DAB2: variants seen among roughly 807,000 people sequenced by gnomAD.
The protein encoded by DAB2 is disabled homolog 2.
A neutral mutation model predicts 71.6 loss-of-function variants in DAB2; 28 were observed. The observed-to-expected ratio is 0.39, with a 90% CI of 0.29 to 0.54. The LOEUF is 0.54. Among genes scored for constraint, DAB2 ranks in the 20% least tolerant of loss-of-function variants. The pLI is 0.68. For missense variants in DAB2, 867 were observed against 928.8 expected (o/e 0.93, Z 0.86); for synonymous variants, 345 against 339.7 (o/e 1.02, Z -0.17).
chr5:39,422,846 C>G lies in DAB2; in HGVS notation c.-102+1958G>C, dbSNP rs1448630621. Among the ~76,000 whole-genome samples, 2 of 152,208 alleles carry G rather than the reference C, an allele frequency of 1.3e-5. No individual in the cohort carries two copies. The highest frequency in any genetic ancestry group is 4.8e-5 in the African/African-American group (2 of 41,446). On this transcript the variant is annotated intron_variant, in intron 1 of 14. Transcript: ENST00000320816. This position sits in a 1 kb window ranked among gnomAD's most constrained non-coding sequence, Gnocchi z 4.1. Reference sequence around the variant, plus strand: ...AAAGACAACAAACAGGCCTAATGCACAGGAATTTGGACTTCCAGTTTAATC... The same window carrying G: ...AAAGACAACAAACAGGCCTAATGCAGAGGAATTTGGACTTCCAGTTTAATC...
At chr5:39,389,230 C>T in intron 6 of DAB2, 107 bp from the exon 7 acceptor site, 1 of 798,172 alleles carries the variant, frequency 1.3e-6, no homozygotes, top group Non-Finnish European at 2.1e-6. Context: ...AAGAATAAGT[C>T]TTGTATATTA....
At chr5:39,415,874 C>T (rs1755832731) in intron 1 of DAB2, among the ~76,000 whole-genome samples, 1 of 152,160 alleles carries the variant, frequency 6.6e-6, no homozygotes, top group Non-Finnish European at 1.5e-5. Flanking sequence ...TAAGTGGGAA[C>T]AGCATTACAG....
chr5:39,418,777 A>T (rs560662231), intron 1 of DAB2, among the ~76,000 whole-genome samples: 13 of 152,360 alleles, frequency 8.5e-5, no homozygotes, highest in African/African-American at 3.1e-4. Context: ...ACTCAAAAAC[A>T]ATGAGAACAA....
intron 9 of DAB2, among the ~76,000 whole-genome samples, chr5:39,387,090 G>A (rs549799450): frequency 5.8e-4 from 88 of 152,198 alleles, no homozygotes; most frequent in African/African-American, 2.1e-3. Context: ...TACTCATATG[G>A]TTAGGGTCAG....
intron 14 of DAB2, chr5:39,374,770 A>G (rs967705211): frequency 2.7e-5 from 11 of 409,614 alleles, no homozygotes; most frequent in African/African-American, 2.3e-4. Context: ...AGAACATGGA[A>G]TAAGATAAAA....
At chr5:39,404,450 T>G (rs1279479191) in intron 1 of DAB2, among the ~76,000 whole-genome samples, 1 of 137,454 alleles carries the variant, frequency 7.3e-6, no homozygotes, top group Non-Finnish European at 1.6e-5. Flanking sequence ...TAAATGCATG[T>G]ATTATTATCT....
intron 14 of DAB2, 141 bp from the exon 15 acceptor site, chr5:39,373,566 T>C (rs912515941): frequency 2.6e-5 from 4 of 152,164 alleles, no homozygotes; most frequent in Admixed American, 6.5e-5. Flanking sequence ...AGATGATAAA[T>C]GTAGAGCATC....
chr5:39,387,032 A>G (rs1755112214), intron 9 of DAB2, among the ~76,000 whole-genome samples: 1 of 152,190 alleles, frequency 6.6e-6, no homozygotes, highest in Non-Finnish European at 1.5e-5. Flanking sequence ...TGAATATTAA[A>G]CAGGCTTCTC....
intron 5 of DAB2, among the ~76,000 whole-genome samples, 163 bp downstream of exon 5, chr5:39,390,281 A>G (rs1755193721): frequency 6.6e-6 from 1 of 152,198 alleles, no homozygotes; most frequent in South Asian, 2.1e-4. Context: ...TATCAATGAC[A>G]TTTTTAAAAG....
rs1450572316 is a variant in DAB2, at chr5:39,422,275, TTA to T, written c.-102+2527_-102+2528del. ...GGTTCTGTCTAAAGGGTAAAAAACC[TTA>T]TGTGTTTGGTTAGTTACCTAAACCT... On this transcript the variant is annotated intron_variant, in intron 1 of 14. Coordinates refer to ENST00000320816, the MANE Select transcript of DAB2 (RefSeq NM_001343.4). The surrounding 1 kb of genome is among the most constrained non-coding windows in gnomAD (Gnocchi z 4.1). Among the ~76,000 whole-genome samples the T allele has an allele frequency of 5.3e-5, 8 of 152,234 alleles. No homozygotes were observed. Among genetic ancestry groups the T allele is most frequent in the Admixed American group, 5.2e-4 (8 of 15,290 alleles).
chr5:39,376,477 T>C (rs62358393), intron 12 of DAB2, among the ~76,000 whole-genome samples, 173 bp downstream of exon 12: 4,380 of 152,244 alleles, frequency 0.029, 76 homozygotes, highest in Non-Finnish European at 0.043. Context: ...CTAAGGTAAA[T>C]AGTTATCACC....
chr5:39,388,290 A>T lies in DAB2; in HGVS notation c.687+15T>A. 6.3e-7 allele frequency: 1 copy of T among 1,590,784 alleles called. No individual in the cohort carries two copies. The highest frequency in any genetic ancestry group is 1.7e-4 in the Middle Eastern group (1 of 5,944). ...GTCATTTTATTACATTGCAAATTTA[A>T]AAACAAACACTTACTGTTGGACTAT... On this transcript the variant is annotated intron_variant, in intron 9 of 14. Coordinates refer to ENST00000320816, the MANE Select transcript of DAB2 (RefSeq NM_001343.4).
At chr5:39,424,514 C>G (rs1387908075) in intron 1 of DAB2, among the ~76,000 whole-genome samples, 7 of 128,242 alleles carry the variant, frequency 5.5e-5, no homozygotes, top group Non-Finnish European at 9.9e-5. Flanking sequence ...CACACACACA[C>G]ACACACACGA....
intron 13 of DAB2, among the ~76,000 whole-genome samples, 179 bp from the exon 14 acceptor site, chr5:39,375,263 T>A (rs2738239): frequency 6.6e-6 from 1 of 151,976 alleles, no homozygotes; most frequent in Non-Finnish European, 1.5e-5. Flanking sequence ...CAGTGTATAT[T>A]ATTTATGTGA....
At chr5:39,380,987 TCTTGCTTC>T (rs1332659351) in intron 11 of DAB2, among the ~76,000 whole-genome samples, 1 of 152,148 alleles carries the variant, frequency 6.6e-6, no homozygotes, top group Admixed American at 6.5e-5. Context: ...TATGACTTAT[TCTTGCTTC>T]AGACTTAACT....
intron 11 of DAB2, among the ~76,000 whole-genome samples, chr5:39,378,773 C>T (rs1171187895): frequency 6.6e-6 from 1 of 152,230 alleles, no homozygotes; most frequent in South Asian, 2.1e-4. Context: ...CTAAATCCGG[C>T]ACCCCATTCT....
chr5:39,393,670 G>A (rs1374569388), intron 2 of DAB2, among the ~76,000 whole-genome samples: 1 of 149,650 alleles, frequency 6.7e-6, no homozygotes, highest in African/African-American at 2.4e-5. Context: ...GTGGGAGTTG[G>A]GGACATTTTT....
chr5:39,410,053 T>C (rs1270023228), intron 1 of DAB2, among the ~76,000 whole-genome samples: 1 of 152,172 alleles, frequency 6.6e-6, no homozygotes, highest in Non-Finnish European at 1.5e-5. Flanking sequence ...GATTTTCTAA[T>C]ATGTACACTC....
At chr5:39,396,281 G>T (rs1416730216) in intron 1 of DAB2, among the ~76,000 whole-genome samples, 1 of 152,146 alleles carries the variant, frequency 6.6e-6, no homozygotes, top group African/African-American at 2.4e-5. Context: ...AGACTGTCTG[G>T]CCCCAAACCA....
Sources: gnomAD v4.1 joint callset for allele counts (sites outside exome capture counted in the v4.1 genomes callset) on GRCh38, gnomAD v4.1.1 for gene constraint, Gnocchi (gnomAD v3.1) non-coding constraint, MANE v1.5 for transcripts, NCBI Gene and HGNC (gene_info 2026-07-23, HGNC 2026-07-21) for gene names.